LOXHD1: variants seen among roughly 807,000 people sequenced by gnomAD.
The protein encoded by LOXHD1 is lipoxygenase homology PLAT domains 1.
LOXHD1 carries 205 observed loss-of-function variants against 248.2 expected under a neutral mutation model. That is an observed-to-expected ratio of 0.83 (90% confidence interval 0.74 to 0.93). The LOEUF (loss-of-function observed/expected upper bound fraction) is 0.93. Ranked by LOEUF, LOXHD1 falls within the 40% of genes least tolerant of loss-of-function variation. LOXHD1 has a pLI of 0.00. For synonymous variants in LOXHD1, 1,113 were observed against 1,162.8 expected, an observed-to-expected ratio of 0.96 and a Z score of 0.87; for missense variants, 2,930 against 2,971.6, an observed-to-expected ratio of 0.99 and a Z score of 0.33.
chr18:46,569,320 C>T (rs1320999769), intron 16 of LOXHD1, 122 bp downstream of exon 16: 1 of 854,812 alleles, frequency 1.2e-6, no homozygotes, highest in African/African-American at 1.7e-5. Context: ...ATGTGTTTAC[C>T]CTTATGTACA....
chr18:46,505,693 G>T, intron 37 of LOXHD1, 145 bp downstream of exon 37: 2 of 779,060 alleles, frequency 2.6e-6, no homozygotes, highest in Non-Finnish European at 2.1e-6. Context: ...ACTGATGGAA[G>T]CATCAATGTG....
rs2144016545 is a variant in LOXHD1 at position 46,560,553 on chromosome 18, A to G, written c.2599-8T>C. 23 of 1,522,400 alleles carry G rather than the reference A, an allele frequency of 1.5e-5. No individual in the cohort carries two copies. The highest frequency in any genetic ancestry group is 1.8e-5 in the Non-Finnish European group (21 of 1,137,958). 94.3% of individuals were successfully genotyped at this position (1,522,400 alleles called of 1,614,324 possible). On this transcript the variant is annotated splice_polypyrimidine_tract_variant and splice_region_variant and intron_variant, in intron 18 of 40. Transcript: ENST00000642948. ...CACGTCGGCCGCCTCAAGCTGTTCA[A>G]AGGGCAGGGCAGCGGCTGTCGTGGC... is the stretch of plus-strand genomic sequence containing the variant.
intron 20 of LOXHD1, chr18:46,557,835 T>C: frequency 1.5e-6 from 2 of 1,295,488 alleles, no homozygotes; most frequent in Non-Finnish European, 2.0e-6. Context: ...GGGGGTGCAC[T>C]GAAACCCTCT....
At chr18:46,592,130 G>A in intron 11 of LOXHD1, 62 bp from the exon 12 acceptor site, 1 of 1,543,702 alleles carries the variant, frequency 6.5e-7, no homozygotes, top group South Asian at 1.2e-5. Flanking sequence ...ATGCCCTGCA[G>A]TCCCCATTCT....
intron 34 of LOXHD1, among the ~76,000 whole-genome samples, chr18:46,513,824 G>A (rs571417544): frequency 1.3e-5 from 2 of 152,362 alleles, no homozygotes; most frequent in East Asian, 3.9e-4. Flanking sequence ...CCCAAGTGAT[G>A]TGACTGGAAA....
intron 6 of LOXHD1, among the ~76,000 whole-genome samples, chr18:46,605,854 T>C (rs773815457): frequency 1.3e-5 from 2 of 152,194 alleles, no homozygotes; most frequent in Non-Finnish European, 2.9e-5. Context: ...TATTGTCAGA[T>C]ACCAAGTCTG....
chr18:46,536,902 C>A (rs1284767515), intron 26 of LOXHD1, among the ~76,000 whole-genome samples: 1 of 152,210 alleles, frequency 6.6e-6, no homozygotes, highest in African/African-American at 2.4e-5. Flanking sequence ...CTGGAGGGCC[C>A]AGCCTTCTGA....
chr18:46,613,425 G>T (rs1599049996), intron 5 of LOXHD1, among the ~76,000 whole-genome samples: 1 of 151,918 alleles, frequency 6.6e-6, no homozygotes. Context: ...AGCAACTTTA[G>T]TAACTTTCTC....
chr18:46,478,699 T>G (rs542635351), intron 40 of LOXHD1, among the ~76,000 whole-genome samples: 2 of 152,160 alleles, frequency 1.3e-5, no homozygotes, highest in East Asian at 1.9e-4. Flanking sequence ...TTTTTAATTT[T>G]TATTTTCTTT....
intron 4 of LOXHD1, among the ~76,000 whole-genome samples, chr18:46,624,053 C>G (rs74336256): frequency 6.6e-6 from 1 of 152,350 alleles, no homozygotes; most frequent in Non-Finnish European, 1.5e-5. Flanking sequence ...CATGAATGAA[C>G]TGGTGGAGTT....
intron 21 of LOXHD1, among the ~76,000 whole-genome samples, chr18:46,553,667 C>T (rs186084977): frequency 3.7e-4 from 56 of 152,264 alleles, no homozygotes; most frequent in Middle Eastern, 3.4e-3. Flanking sequence ...AGGCCATTAA[C>T]GACATGGAAC....
intron 4 of LOXHD1, 40 bp from the exon 5 acceptor site, chr18:46,618,330 T>C (rs2038619216): frequency 3.5e-6 from 5 of 1,427,006 alleles, no homozygotes; most frequent in Non-Finnish European, 4.8e-6. Context: ...CTCATCAGGA[T>C]CCTGAAAAGA....
At chr18:46,502,300 G>A (rs1316362408) in intron 37 of LOXHD1, among the ~76,000 whole-genome samples, 1 of 152,152 alleles carries the variant, frequency 6.6e-6, no homozygotes, top group Non-Finnish European at 1.5e-5. Flanking sequence ...GACTCTGGAA[G>A]GTTCATCCCG....
rs559795488 is a variant in LOXHD1 at position 46,607,094 on chromosome 18, G to A, written c.760-2865C>T. Among the ~76,000 whole-genome samples, 8 of 151,814 alleles carry A rather than the reference G, an allele frequency of 5.3e-5. No homozygotes were observed. In the South Asian group the frequency reaches 8.3e-4, roughly 16 times the overall value. ...GGCAGGAGAAGAATCGCTTGAACCC[G>A]GGAGGCAGAGATTGCAGTGAGCCAA... On this transcript the variant is annotated intron_variant, in intron 6 of 40. Transcript: ENST00000642948.
chr18:46,497,879 A>G (rs2033973242), intron 37 of LOXHD1, among the ~76,000 whole-genome samples: 1 of 152,188 alleles, frequency 6.6e-6, no homozygotes, highest in African/African-American at 2.4e-5. Flanking sequence ...GAGCTTCTAA[A>G]CCACAGACAG....
intron 37 of LOXHD1, among the ~76,000 whole-genome samples, chr18:46,500,856 A>G (rs2034182206): frequency 6.6e-6 from 1 of 152,072 alleles, no homozygotes; most frequent in Admixed American, 6.6e-5. Context: ...TTAAGCGAAC[A>G]CCACACTTCA....
intron 4 of LOXHD1, among the ~76,000 whole-genome samples, chr18:46,630,401 C>T (rs1460519962): frequency 6.6e-6 from 1 of 152,144 alleles, no homozygotes; most frequent in African/African-American, 2.4e-5. Flanking sequence ...AATTACTTGG[C>T]CAGAAAGCAG....
At position 46,486,936 on chromosome 18, in the gene LOXHD1, G is replaced by A. The variant is rs79897192; in HGVS notation, c.6050-1785C>T. The stretch of plus-strand genomic sequence containing the variant: ...GTTTCAATCAGCATATTTTCACCTT[G>A]CTTACTTTCCCACACGAAGCGGCTT... On this transcript the variant is annotated intron_variant, in intron 38 of 40. Coordinates refer to ENST00000642948, the MANE Select transcript of LOXHD1 (RefSeq NM_001384474.1). Among the ~76,000 whole-genome samples, 1,135 of 152,260 alleles carry A rather than the reference G, an allele frequency of 7.5e-3. 66 individuals carry two copies. The East Asian group carries it at 0.15, about 20-fold the overall frequency.
At chr18:46,634,822 A>G (rs1281264574) in intron 4 of LOXHD1, among the ~76,000 whole-genome samples, 1 of 152,200 alleles carries the variant, frequency 6.6e-6, no homozygotes, top group African/African-American at 2.4e-5. Context: ...TTTAATGGGC[A>G]CAGTTTCAGG....
Sources: allele counts gnomAD v4.1 joint callset (sites outside exome capture counted in the v4.1 genomes callset), GRCh38; gene constraint gnomAD v4.1.1; transcripts MANE v1.5; gene names NCBI Gene and HGNC (gene_info 2026-07-23, HGNC 2026-07-21).